The following BCKDHB variants were observed in gnomAD, a reference collection of about 807,000 sequenced individuals.
The protein encoded by BCKDHB is branched chain keto acid dehydrogenase E1 subunit beta.
In BCKDHB, 41 loss-of-function variants were observed where a neutral mutation model predicts 48.5. The ratio of observed to expected loss-of-function variants is 0.85; its 90% CI spans 0.66 to 1.10. The LOEUF (loss-of-function observed/expected upper bound fraction) is 1.10, where lower values mean the gene tolerates loss of function less well. Among genes scored for constraint, BCKDHB ranks in the 50% least tolerant of loss-of-function variants. The probability of loss-of-function intolerance (pLI) is 0.00; values close to 1 mark genes in which losing one functional copy is unlikely to be tolerated. For missense variants in BCKDHB, 496 were observed against 494.2 expected (o/e 1.00, Z -0.03); for synonymous variants, 201 against 174.8 (o/e 1.15, Z -1.18).
intron 6 of BCKDHB, among the ~76,000 whole-genome samples, chr6:80,176,563 G>A (rs1773164747): frequency 6.6e-6 from 1 of 152,142 alleles, no homozygotes; most frequent in African/African-American, 2.4e-5. Flanking sequence ...AGTGTGAGGT[G>A]CAAAGGTGGC....
chr6:80,150,067 G>A (rs1285567850), intron 3 of BCKDHB, among the ~76,000 whole-genome samples: 1 of 151,666 alleles, frequency 6.6e-6, no homozygotes. Flanking sequence ...CCATATTCTT[G>A]GCTGCACCCA....
At chr6:80,318,463 G>T (rs1296192828) in intron 9 of BCKDHB, among the ~76,000 whole-genome samples, 1 of 152,056 alleles carries the variant, frequency 6.6e-6, no homozygotes, top group Non-Finnish European at 1.5e-5. Context: ...AAGGCAAGTG[G>T]ATCACCTGAG....
intron 6 of BCKDHB, among the ~76,000 whole-genome samples, chr6:80,183,137 A>T (rs1773491300): frequency 6.6e-6 from 1 of 152,138 alleles, no homozygotes; most frequent in African/African-American, 2.4e-5. Flanking sequence ...TACAACCTGT[A>T]TCTCTTAATC....
At chr6:80,418,741 G>A in the BCKDHB span, among the ~76,000 whole-genome samples, 130 of 152,284 alleles carry the variant, frequency 8.5e-4, no homozygotes, top group African/African-American at 2.9e-3. Context: ...TTCATAGTGT[G>A]GTGACAGCGG....
the BCKDHB span, among the ~76,000 whole-genome samples, chr6:80,395,333 T>G: frequency 6.6e-6 from 1 of 152,188 alleles, no homozygotes; most frequent in African/African-American, 2.4e-5. Context: ...TGCTAGAGAC[T>G]TCTTGAATGG....
chr6:80,309,966 C>T (rs1048878959), intron 9 of BCKDHB, among the ~76,000 whole-genome samples: 1 of 152,130 alleles, frequency 6.6e-6, no homozygotes. Flanking sequence ...GTTTTCTGTT[C>T]CTGAAATAAT....
At chr6:80,428,846 C>A in the BCKDHB span, among the ~76,000 whole-genome samples, 1 of 152,114 alleles carries the variant, frequency 6.6e-6, no homozygotes, top group Admixed American at 6.5e-5. Context: ...ATGATAGTTT[C>A]TTTTGCTGTG....
At chr6:80,179,116 G>A (rs1773297502) in intron 6 of BCKDHB, among the ~76,000 whole-genome samples, 1 of 152,032 alleles carries the variant, frequency 6.6e-6, no homozygotes, top group Admixed American at 6.6e-5. Flanking sequence ...TCAAGCTCCT[G>A]GGCTCAGGTG....
intron 8 of BCKDHB, among the ~76,000 whole-genome samples, chr6:80,265,993 G>T (rs1454638268): frequency 6.6e-6 from 1 of 152,026 alleles, no homozygotes; most frequent in Admixed American, 6.6e-5. Context: ...ACTTCCAAAT[G>T]CCTCCTGCCA....
the BCKDHB span, among the ~76,000 whole-genome samples, chr6:80,409,826 T>A: frequency 6.6e-6 from 1 of 151,730 alleles, no homozygotes; most frequent in Admixed American, 6.6e-5. Flanking sequence ...TCTCTGCACA[T>A]GAAATGGGTC....
intron 9 of BCKDHB, among the ~76,000 whole-genome samples, chr6:80,299,587 C>T (rs948802990): frequency 2.0e-5 from 3 of 152,080 alleles, no homozygotes; most frequent in Non-Finnish European, 2.9e-5. Flanking sequence ...AAATTCCAAC[C>T]AAGAATTTCA....
chr6:80,403,920 A>T, the BCKDHB span, among the ~76,000 whole-genome samples: 5 of 151,996 alleles, frequency 3.3e-5, no homozygotes, highest in Admixed American at 3.3e-4. Context: ...CATCTGGGGG[A>T]TAAATGCCAC....
chr6:80,254,979 C>T (rs1002263361), intron 8 of BCKDHB, among the ~76,000 whole-genome samples: 5 of 152,170 alleles, frequency 3.3e-5, no homozygotes, highest in Non-Finnish European at 4.4e-5. Flanking sequence ...CCCTCAAATT[C>T]CCCAAAGTGT....
Position 80,282,421 on chromosome 6 carries a change from C to T in BCKDHB, c.1038+9200C>T, listed in dbSNP as rs540619406. Among the ~76,000 whole-genome samples the T allele has an allele frequency of 1.1e-4, 17 of 152,174 alleles. 1 individual carries two copies. In the South Asian group the frequency reaches 3.5e-3, roughly 32 times the overall value. On this transcript the variant is annotated intron_variant, in intron 9 of 9. Transcript: ENST00000320393. ...CCTTTGATTCAAGAATTCTAGGAAT[C>T]CTCACTTAGGAGTTAAACACAAAAA... is the stretch of plus-strand genomic sequence containing the variant.
the BCKDHB span, among the ~76,000 whole-genome samples, chr6:80,433,356 C>T: frequency 5.9e-5 from 9 of 152,156 alleles, no homozygotes; most frequent in Admixed American, 3.9e-4. Context: ...CAGAGATGCC[C>T]TGCCCAGAGA....
At chr6:80,425,934 T>C in the BCKDHB span, among the ~76,000 whole-genome samples, 1 of 152,164 alleles carries the variant, frequency 6.6e-6, no homozygotes, top group African/African-American at 2.4e-5. Context: ...AAACCAAAAC[T>C]GACTTTTATG....
chr6:80,450,413 C>G, the BCKDHB span, among the ~76,000 whole-genome samples: 1 of 152,000 alleles, frequency 6.6e-6, no homozygotes, highest in East Asian at 1.9e-4. Flanking sequence ...GAGACAAGAT[C>G]GTGGATCCTA....
chr6:80,458,513 GA>G, the BCKDHB span, among the ~76,000 whole-genome samples: 4 of 152,158 alleles, frequency 2.6e-5, no homozygotes, highest in Non-Finnish European at 4.4e-5. Context: ...TCAGAGATTC[GA>G]AACGGATTCC....
At chr6:80,140,513 AG>A (rs1325630515) in intron 3 of BCKDHB, among the ~76,000 whole-genome samples, 11 of 152,230 alleles carry the variant, frequency 7.2e-5, no homozygotes, top group South Asian at 4.2e-4. Context: ...TTTAGCATGA[AG>A]GGTTGTTGAA....
Sources: allele counts gnomAD v4.1 joint callset (sites outside exome capture counted in the v4.1 genomes callset), GRCh38; gene constraint gnomAD v4.1.1; transcripts MANE v1.5; gene names NCBI Gene and HGNC (gene_info 2026-07-23, HGNC 2026-07-21).